Variants in ZNF485 observed in about 807,000 individuals in gnomAD.
The protein encoded by ZNF485 is zinc finger protein 485.
ZNF485 carries 9 observed loss-of-function variants against 10.8 expected under a neutral mutation model. The observed-to-expected ratio is 0.83, with a 90% CI of 0.50 to 1.45. The LOEUF is 1.45. ZNF485 is among the 40% of genes most tolerant of loss of function. The pLI is 0.00. For missense variants in ZNF485, 487 were observed against 528.0 expected, an observed-to-expected ratio of 0.92 and a Z score of 0.76; for synonymous variants, 187 against 181.0, an observed-to-expected ratio of 1.03 and a Z score of -0.27.
intron 4 of ZNF485, among the ~76,000 whole-genome samples, chr10:43,611,020 C>G (rs954166113): frequency 6.6e-6 from 1 of 152,064 alleles, no homozygotes; most frequent in Non-Finnish European, 1.5e-5. Flanking sequence ...TAGAGCTTCT[C>G]TCTCTCTCTC....
intron 4 of ZNF485, among the ~76,000 whole-genome samples, chr10:43,615,149 A>G (rs1198607171): frequency 6.6e-6 from 1 of 152,222 alleles, no homozygotes; most frequent in East Asian, 1.9e-4. Context: ...TCCCCAGACT[A>G]CTAAGTATAA....
intron 2 of ZNF485, 133 bp downstream of exon 2, chr10:43,607,207 T>C: frequency 1.9e-6 from 2 of 1,030,172 alleles, no homozygotes; most frequent in South Asian, 2.9e-5. Flanking sequence ...GGTCCCGCGA[T>C]TTCCGTCCTG....
In ZNF485 at chr10:43,616,521, T is replaced by C. The variant is rs777308183; in HGVS notation, c.478T>C (p.Cys160Arg). The change falls in exon 5 of 5, where the codon TGT (cysteine) becomes CGT (arginine). Residue 160 changes from cysteine to arginine, a missense_variant. Transcript: ENST00000361807. ...RNHTSEKPHK[C>R]KECGIAFMNS... ...TCACACCAGTGAGAAACCACATAAA[T>C]GTAAAGAATGTGGGATCGCCTTTAT... 2 of 1,614,018 alleles carry C rather than the reference T, an allele frequency of 1.2e-6. No homozygotes were observed. The highest frequency in any genetic ancestry group is 2.7e-5 in the African/African-American group (2 of 74,916).
Position 43,616,983 on chromosome 10 carries a change from A to G in ZNF485, c.940A>G (p.Ile314Val). 1.9e-6 allele frequency: 3 copies of G among 1,614,170 alleles called. No homozygotes were observed. The highest frequency in any genetic ancestry group is 2.5e-6 in the Non-Finnish European group (3 of 1,180,034). ...AGCCTTTAGGAAGAGCTCAACTCTTATTAGTCACCAAAGAATGCATACTGG... is the reference window on the plus strand; with the variant it reads ...AGCCTTTAGGAAGAGCTCAACTCTTGTTAGTCACCAAAGAATGCATACTGG... ...GKAFRKSSTL[I>V]SHQRMHTGEK... is the part of the protein sequence containing the mutation. The change falls in exon 5 of 5, where the codon ATT becomes GTT. Residue 314 changes from isoleucine to valine, a missense_variant. Coordinates refer to ENST00000361807, the MANE Select transcript of ZNF485 (RefSeq NM_145312.4).
chr10:43,607,642 T>C (rs1366606867), intron 2 of ZNF485, among the ~76,000 whole-genome samples: 1 of 152,176 alleles, frequency 6.6e-6, no homozygotes, highest in Admixed American at 6.5e-5. Flanking sequence ...AAATAATTGG[T>C]ATTTTGAAAG....
intron 4 of ZNF485, among the ~76,000 whole-genome samples, chr10:43,615,396 T>C (rs776817476): frequency 6.6e-6 from 1 of 151,542 alleles, no homozygotes; most frequent in African/African-American, 2.4e-5. Flanking sequence ...CACCCATTGA[T>C]TGGTAATTTT....
rs761183368 is a variant in ZNF485, at chr10:43,616,298, T to C, written c.255T>C (p.Asp85=). 1 of 1,561,606 alleles carries C rather than the reference T, an allele frequency of 6.4e-7. No homozygotes were observed. The highest frequency in any genetic ancestry group is 8.6e-7 in the Non-Finnish European group (1 of 1,158,236). The change falls in exon 5 of 5, where the codon GAT becomes GAC. Residue 85 remains aspartate, a synonymous_variant. Coordinates refer to ENST00000361807, the MANE Select transcript of ZNF485 (RefSeq NM_145312.4). The part of the protein sequence containing the change: ...EAPSGTHAVE[D]YWFETKMSAL... ...TTTAAAATTTTCTTTCAGTCGAGGA[T>C]TACTGGTTTGAAACAAAGATGTCAG...
intron 4 of ZNF485, among the ~76,000 whole-genome samples, chr10:43,614,583 C>T (rs952520475): frequency 5.3e-5 from 8 of 152,152 alleles, no homozygotes; most frequent in East Asian, 3.8e-4. Flanking sequence ...CATGAGCCAC[C>T]GTGCCCAGCC....
rs146172978 is a variant in ZNF485, at chr10:43,616,334, A to G, written c.291A>G (p.Gln97=). 7.5e-6 allele frequency: 12 copies of G among 1,600,470 alleles called. No homozygotes were observed. Among genetic ancestry groups the G allele is most frequent in the African/African-American group, 2.7e-5 (2 of 73,632 alleles). Residue 97 remains glutamine (Q), a synonymous_variant, in exon 5 of 5, where the codon CAA becomes CAG. Transcript: ENST00000361807. The stretch of plus-strand genomic sequence containing the variant: ...AAACAAAGATGTCAGCCCTAAAGCA[A>G]AGCACTTCTGAAGCATCTGTTCTGG... ...WFETKMSALK[Q]STSEASVLGE...
chr10:43,614,511 C>A (rs1838821280), intron 4 of ZNF485, among the ~76,000 whole-genome samples: 1 of 152,052 alleles, frequency 6.6e-6, no homozygotes, highest in Non-Finnish European at 1.5e-5. Flanking sequence ...GGTGGTGGGT[C>A]TGGACCTCCT....
chr10:43,616,742 G>A lies in ZNF485; in HGVS notation c.699G>A (p.Gln233=). ...AGAACTCAATCCTTTTAAGTCATCA[G>A]AGAATTCATACTGGCCAGAAACCCT... is the stretch of plus-strand genomic sequence containing the variant. ...FRKNSILLSH[Q]RIHTGQKPYK... is the part of the protein sequence containing the mutation. Residue 233 remains glutamine (Q), a synonymous_variant, in exon 5 of 5, where the codon CAG becomes CAA. Transcript: ENST00000361807. 6.2e-7 allele frequency: 1 copy of A among 1,614,128 alleles called. No individual in the cohort carries two copies.
At chr10:43,608,844 T>G (rs1434412266) in intron 3 of ZNF485, 104 bp downstream of exon 3, 5 of 1,474,518 alleles carry the variant, frequency 3.4e-6, no homozygotes, top group South Asian at 1.3e-5. Flanking sequence ...AATGATGTGC[T>G]TTTTGTTTTG....
intron 4 of ZNF485, among the ~76,000 whole-genome samples, chr10:43,615,677 C>T (rs1448753184): frequency 6.6e-6 from 1 of 152,200 alleles, no homozygotes; most frequent in African/African-American, 2.4e-5. Context: ...GCTGGGATTA[C>T]AGGCATGAGC....
At chr10:43,606,612 C>A (rs113735272) in intron 1 of ZNF485, 66 bp downstream of exon 1, 4,057 of 291,950 alleles carry the variant, frequency 0.014, 32 homozygotes, top group Non-Finnish European at 0.02. Context: ...TGCTCCCCGC[C>A]TTTCCCAGGG....
chr10:43,607,246 T>C (rs1838670108), intron 2 of ZNF485, 172 bp downstream of exon 2: 1 of 718,528 alleles, frequency 1.4e-6, no homozygotes, highest in Non-Finnish European at 2.4e-6. Context: ...ATTCACCAAG[T>C]AGATTATTGC....
At chr10:43,607,699 A>T (rs963508033) in intron 2 of ZNF485, among the ~76,000 whole-genome samples, 1 of 152,262 alleles carries the variant, frequency 6.6e-6, no homozygotes, top group Admixed American at 6.5e-5. Flanking sequence ...AAATTAAAAA[A>T]ATTAAAGATC....
At position 43,609,257 on chromosome 10, in the gene ZNF485, C is replaced by T. The variant is rs756473897; in HGVS notation, c.154C>T (p.Leu52Phe). Residue 52 changes from leucine to phenylalanine, a missense_variant and splice_region_variant, in exon 4 of 5, where the codon CTT becomes TTT. Physicochemically the swap from Leu to Phe is conservative, Grantham distance 22. Transcript: ENST00000361807. ...AGATCCTTTTTCTTTATGAACAGGGCTTCTCTCTTCCAAACCAAAACTAAT... is the reference window on the plus strand; with the variant it reads ...AGATCCTTTTTCTTTATGAACAGGGTTTCTCTCTTCCAAACCAAAACTAAT... Reference protein sequence around the residue: ...ENYGNLVSVGLLSSKPKLITQ... With the variant: ...ENYGNLVSVGFLSSKPKLITQ... The T allele has an allele frequency of 6.2e-7, 1 of 1,612,616 alleles. No homozygotes were observed. Among genetic ancestry groups the T allele is most frequent in the South Asian group, 1.1e-5 (1 of 91,002 alleles).
chr10:43,611,190 C>T (rs750149060), intron 4 of ZNF485, among the ~76,000 whole-genome samples: 1 of 151,870 alleles, frequency 6.6e-6, no homozygotes, highest in Non-Finnish European at 1.5e-5. Flanking sequence ...AGCATGCTAC[C>T]ACACCTGGCT....
chr10:43,606,569 G>GC lies in ZNF485; in HGVS notation c.-55+24dup, dbSNP rs1388005385. 39 of 300,388 alleles carry GC rather than the reference G, an allele frequency of 1.3e-4. No homozygotes were observed. The Middle Eastern group carries it at 6.6e-3, about 51-fold the overall frequency. 18.6% of individuals were successfully genotyped at this position (300,388 alleles called of 1,614,324 possible). Reference sequence around the variant, plus strand: ...TCGGTTCGTGAGCGGCCGGGGTCAGGCTGGGTCCCTGAAGCCTCGAGCCCC... The same window carrying GC: ...TCGGTTCGTGAGCGGCCGGGGTCAGGCCTGGGTCCCTGAAGCCTCGAGCCCC... On this transcript the variant is annotated intron_variant, in intron 1 of 4. Transcript: ENST00000361807.
Sources: gnomAD v4.1 joint callset for allele counts (sites outside exome capture counted in the v4.1 genomes callset) on GRCh38, gnomAD v4.1.1 for gene constraint, MANE v1.5 for transcripts, NCBI Gene and HGNC (gene_info 2026-07-23, HGNC 2026-07-21) for gene names.